STK10: variants seen among roughly 807,000 people sequenced by gnomAD.
STK10 encodes the protein serine/threonine-protein kinase 10.
A neutral mutation model predicts 113.8 loss-of-function variants in STK10; 78 were observed. The observed-to-expected ratio is 0.69, with a 90% confidence interval of 0.57 to 0.83. STK10 has a LOEUF of 0.83. STK10 is among the 40% of genes least tolerant of loss of function. The probability of loss-of-function intolerance (pLI) is 0.00; values close to 1 mark genes in which losing one functional copy is unlikely to be tolerated. For missense variants in STK10, 1,109 were observed against 1,280.1 expected (o/e 0.87, Z 2.04); for synonymous variants, 465 against 494.7 (o/e 0.94, Z 0.80).
chr5:172,054,932 G>A (rs903044574), intron 16 of STK10, among the ~76,000 whole-genome samples: 1 of 152,162 alleles, frequency 6.6e-6, no homozygotes, highest in East Asian at 1.9e-4. Context: ...TGTGACACAC[G>A]CCAGGAAAGT....
chr5:172,054,180 A>G (rs1017612841), intron 17 of STK10, among the ~76,000 whole-genome samples: 1 of 152,206 alleles, frequency 6.6e-6, no homozygotes, highest in African/African-American at 2.4e-5. Context: ...TGAAGAGGTC[A>G]GGAATTACCA....
At chr5:172,083,222 A>C in intron 10 of STK10, 138 bp from the exon 11 acceptor site, 8 of 1,039,864 alleles carry the variant, frequency 7.7e-6, no homozygotes, top group Non-Finnish European at 1.1e-5. Context: ...ACTAGAACTC[A>C]GGCTTCATTT....
At chr5:172,139,493 GAAAAA>G (rs551856973) in intron 2 of STK10, among the ~76,000 whole-genome samples, 3 of 106,586 alleles carry the variant, frequency 2.8e-5, no homozygotes, top group African/African-American at 9.5e-5. Flanking sequence ...CCCATCTCTG[GAAAAA>G]AAAAAAAAAA....
chr5:172,105,976 G>A (rs1769096201), intron 6 of STK10, among the ~76,000 whole-genome samples: 1 of 152,234 alleles, frequency 6.6e-6, no homozygotes, highest in South Asian at 2.1e-4. Context: ...AGGAGACTCA[G>A]CAGTGCCGGG....
intron 2 of STK10, among the ~76,000 whole-genome samples, chr5:172,151,536 G>A (rs539997636): frequency 1.2e-4 from 19 of 152,048 alleles, no homozygotes; most frequent in African/African-American, 4.1e-4. Context: ...TAGTAGAGAC[G>A]GGGTTTCACC....
intron 2 of STK10, among the ~76,000 whole-genome samples, chr5:172,130,560 C>T (rs1031593253): frequency 3.3e-5 from 5 of 151,750 alleles, no homozygotes; most frequent in Non-Finnish European, 5.9e-5. Flanking sequence ...AAAACCCAGT[C>T]CTAATACACC....
At chr5:172,179,435 A>G (rs1470846855) in intron 1 of STK10, among the ~76,000 whole-genome samples, 1 of 152,154 alleles carries the variant, frequency 6.6e-6, no homozygotes, top group Non-Finnish European at 1.5e-5. Context: ...ACCTCTGGAG[A>G]GTCCCCCTAA....
chr5:172,056,268 C>T (rs1767754410), intron 15 of STK10, among the ~76,000 whole-genome samples: 1 of 152,178 alleles, frequency 6.6e-6, no homozygotes. Flanking sequence ...ATACTGACTT[C>T]CATCACTGCA....
At chr5:172,129,741 C>T (rs985098006) in intron 2 of STK10, among the ~76,000 whole-genome samples, 2 of 152,090 alleles carry the variant, frequency 1.3e-5, no homozygotes, top group South Asian at 2.1e-4. Context: ...ATTCTACTAA[C>T]TGCTAGAAAA....
At chr5:172,052,050 G>A (rs185283661) in intron 18 of STK10, among the ~76,000 whole-genome samples, 254 of 152,312 alleles carry the variant, frequency 1.7e-3, no homozygotes, top group African/African-American at 6.0e-3. Context: ...GCTCCTCTGC[G>A]TGTGGGTGGA....
chr5:172,066,881 G>T (rs1768084558), intron 12 of STK10, among the ~76,000 whole-genome samples: 1 of 152,218 alleles, frequency 6.6e-6, no homozygotes, highest in African/African-American at 2.4e-5. Flanking sequence ...TGAGACAGGT[G>T]CCAAGCAGTA....
At chr5:172,083,181 C>T in intron 10 of STK10, 97 bp from the exon 11 acceptor site, 2 of 1,523,726 alleles carry the variant, frequency 1.3e-6, no homozygotes, top group Non-Finnish European at 1.8e-6. Context: ...GATCATGGAG[C>T]AAAATCACAC....
At chr5:172,165,983 G>A (rs954647327) in intron 1 of STK10, among the ~76,000 whole-genome samples, 1 of 152,114 alleles carries the variant, frequency 6.6e-6, no homozygotes, top group African/African-American at 2.4e-5. Flanking sequence ...AGTGGCGACG[G>A]GGTTTCTCCA....
chr5:172,054,673 T>A lies in STK10; in HGVS notation c.2548A>T (p.Arg850Trp). The A allele has an allele frequency of 1.2e-6, 2 of 1,610,476 alleles. No homozygotes were observed. The highest frequency in any genetic ancestry group is 1.7e-6 in the Non-Finnish European group (2 of 1,179,988). ...TGCTGCAGCCGCTCCGACTTCTGCC[T>A]CTTCTCCTCCTGCTGGGAGAACTGC... ...IKQFSQQEEK[R>W]QKSERLQQQQ... The change falls in exon 17 of 19, where the codon AGG becomes TGG. Residue 850 changes from arginine (R) to tryptophan (W), a missense_variant. Coordinates refer to ENST00000176763, the MANE Select transcript of STK10 (RefSeq NM_005990.4).
At chr5:172,147,347 T>C (rs1171208698) in intron 2 of STK10, among the ~76,000 whole-genome samples, 3 of 151,842 alleles carry the variant, frequency 2.0e-5, no homozygotes, top group African/African-American at 7.3e-5. Flanking sequence ...GAAAAAAAAG[T>C]GCACGGTCTA....
Position 172,106,754 on chromosome 5 carries a change from G to A in STK10, c.654C>T (p.Ala218=). Residue 218 remains alanine, a synonymous_variant, in exon 6 of 19, where the codon GCC becomes GCT. Coordinates refer to ENST00000176763, the MANE Select transcript of STK10 (RefSeq NM_005990.4). ...GCGTGATGCCCAGGGACCAGATGTC[G>A]GCTTTGTAGTCGTAGGGCGTGTCTT... The part of the protein sequence containing the change: ...TMKDTPYDYK[A]DIWSLGITLI... The A allele has an allele frequency of 6.2e-7, 1 of 1,614,188 alleles. No homozygotes were observed. Among genetic ancestry groups the A allele is most frequent in the Non-Finnish European group, 8.5e-7 (1 of 1,180,032 alleles).
intron 8 of STK10, 28 bp downstream of exon 8, chr5:172,096,398 C>G: frequency 3.1e-6 from 5 of 1,607,632 alleles, no homozygotes; most frequent in Non-Finnish European, 4.2e-6. Context: ...TCCCAGCCCC[C>G]GCTAAGCCCC....
rs1174254491 is a variant in STK10 at position 172,082,460 on chromosome 5, G to C, written c.1855C>G (p.Gln619Glu). The C allele has an allele frequency of 4.4e-6, 7 of 1,608,904 alleles. No individual in the cohort carries two copies. Among genetic ancestry groups the C allele is most frequent in the Middle Eastern group, 1.7e-4 (1 of 6,030 alleles). Residue 619 changes from glutamine to glutamate, a missense_variant, in exon 12 of 19, where the codon CAG becomes GAG. Physicochemically the swap from Gln to Glu is conservative, Grantham distance 29 (BLOSUM62 2). Transcript: ENST00000176763. This position sits in a 1 kb window ranked among gnomAD's most constrained non-coding sequence, Gnocchi z 4.3. ...ATCTTCTCCACTTGCTGCTTTTGCT[G>C]ACGCTCCAGGTTCTCTAATTCCGTG... ...FDTELENLERQQKQQVEKMEQ... is the reference protein window; with the variant it reads ...FDTELENLEREQKQQVEKMEQ...
chr5:172,118,878 CA>C (rs3028101), intron 3 of STK10, among the ~76,000 whole-genome samples: 1,851 of 71,276 alleles, frequency 0.026, 41 homozygotes, highest in African/African-American at 0.073. Flanking sequence ...GACTCAGTCT[CA>C]AAAAAAAAAA....
Sources: allele counts gnomAD v4.1 joint callset (sites outside exome capture counted in the v4.1 genomes callset), GRCh38; gene constraint gnomAD v4.1.1; non-coding constraint Gnocchi (gnomAD v3.1); transcripts MANE v1.5; gene names NCBI Gene and HGNC (gene_info 2026-07-23, HGNC 2026-07-21).